NEO1: variants seen among roughly 807,000 people sequenced by gnomAD.
NEO1 encodes neogenin 1, also known as neogenin.
A neutral mutation model predicts 159.7 loss-of-function variants in NEO1; 63 were observed. That is an observed-to-expected ratio of 0.39 (90% CI 0.32 to 0.49). The LOEUF (loss-of-function observed/expected upper bound fraction) is 0.49. Ranked by LOEUF, NEO1 falls within the 20% of genes least tolerant of loss-of-function variation. The pLI is 0.85. For missense variants in NEO1, 1,615 were observed against 1,831.0 expected (o/e 0.88, Z 2.15); for synonymous variants, 633 against 662.0 (o/e 0.96, Z 0.67).
At chr15:73,079,370 TCTTA>T (rs970325365) in intron 1 of NEO1, among the ~76,000 whole-genome samples, 10 of 152,292 alleles carry the variant, frequency 6.6e-5, no homozygotes, top group African/African-American at 2.2e-4. Flanking sequence ...ATTACTCAAA[TCTTA>T]CTTTTGGACT....
chr15:73,052,405 A>ACC (rs1567080692), upstream of NEO1: 22 of 19,608 alleles, frequency 1.1e-3, no homozygotes, highest in South Asian at 1.9e-3. Flanking sequence ...CTGGAGACCG[A>ACC]CCCACCGCCC....
intron 1 of NEO1, among the ~76,000 whole-genome samples, chr15:73,113,941 A>C: frequency 6.6e-6 from 1 of 152,148 alleles, no homozygotes; most frequent in East Asian, 1.9e-4. Context: ...TGACCTATGG[A>C]ATTCTTGAAA....
At position 73,098,689 on chromosome 15, in the gene NEO1, A is replaced by G. The variant is rs546875222; in HGVS notation, c.131-17851A>G. Among the ~76,000 whole-genome samples, 3 of 152,292 alleles carry G rather than the reference A, an allele frequency of 2.0e-5. No individual in the cohort carries two copies. The South Asian group carries it at 6.2e-4, about 32-fold the overall frequency. The stretch of plus-strand genomic sequence containing the variant: ...TCAAAGTTGTTTCCAGGTTGTTACT[A>G]CAAGTAGTGGTACAGTGAATAGCCT... On this transcript the variant is annotated intron_variant, in intron 1 of 28. Coordinates refer to ENST00000261908, the MANE Select transcript of NEO1 (RefSeq NM_002499.4).
At chr15:73,192,067 C>G (rs2036263950) in intron 7 of NEO1, among the ~76,000 whole-genome samples, 1 of 151,834 alleles carries the variant, frequency 6.6e-6, no homozygotes. Flanking sequence ...AGACAATAAG[C>G]AAGTAAATGA....
chr15:73,234,594 G>GCAA (rs1417324930), intron 7 of NEO1, among the ~76,000 whole-genome samples: 1 of 152,280 alleles, frequency 6.6e-6, no homozygotes, highest in East Asian at 1.9e-4. Context: ...GTACTACAAG[G>GCAA]CCTCAGCAAC....
At position 73,289,179 on chromosome 15, in the gene NEO1, C is replaced by G. The variant is rs1329982222; in HGVS notation, c.3683C>G (p.Ala1228Gly). The part of the protein sequence containing the change: ...HESEDSMSTL[A>G]GRRGMRPKMM... ...TCAGAGGACAGCATGTCTACACTGGCTGGAAGGCGAGGAATGAGACCAAAA... is the reference window on the plus strand; with the variant it reads ...TCAGAGGACAGCATGTCTACACTGGGTGGAAGGCGAGGAATGAGACCAAAA... The change falls in exon 25 of 29, where the codon GCT becomes GGT. Residue 1228 changes from alanine to glycine, a missense_variant. Physicochemically the swap from Ala to Gly is moderately conservative, Grantham distance 60 (BLOSUM62 0). Around this residue, in one of 3 missense-constraint regions of NEO1, gnomAD observed 471 missense variants for 498.9 expected, o/e 0.94. Coordinates refer to ENST00000261908, the MANE Select transcript of NEO1 (RefSeq NM_002499.4). The G allele has an allele frequency of 1.2e-6, 2 of 1,613,976 alleles. No homozygotes were observed. Among genetic ancestry groups the G allele is most frequent in the Non-Finnish European group, 1.7e-6 (2 of 1,180,016 alleles).
At position 73,274,731 on chromosome 15, in the gene NEO1, G is replaced by A; in HGVS notation, c.3193+7G>A. On this transcript the variant is annotated splice_region_variant and intron_variant, in intron 21 of 28. Transcript: ENST00000261908. ...AAAATGCCTAATGATCAAGGTAAAT[G>A]AGTAGATGGCCTCTCTTTTCTTTCC... 1 of 1,612,428 alleles carries A rather than the reference G, an allele frequency of 6.2e-7. No individual in the cohort carries two copies. Among genetic ancestry groups the A allele is most frequent in the Admixed American group, 1.7e-5 (1 of 59,956 alleles).
rs1286839617 is a variant in NEO1 at position 73,249,728 on chromosome 15, C to G, written c.1894+7C>G. ...GTTCGAACATTGTCAGATGGTGAGT[C>G]TTTCTTCCTCTGGAACGATATACCA... On this transcript the variant is annotated splice_region_variant and intron_variant, in intron 11 of 28. Transcript: ENST00000261908. 6.2e-7 allele frequency: 1 copy of G among 1,605,716 alleles called. No homozygotes were observed. Among genetic ancestry groups the G allele is most frequent in the Non-Finnish European group, 8.5e-7 (1 of 1,177,298 alleles).
At chr15:73,103,430 T>C (rs756816588) in intron 1 of NEO1, among the ~76,000 whole-genome samples, 2 of 152,228 alleles carry the variant, frequency 1.3e-5, no homozygotes, top group Non-Finnish European at 2.9e-5. Flanking sequence ...ACTGTTCCTT[T>C]GACAGAGTGT....
At chr15:73,184,250 G>A (rs1015010717) in intron 7 of NEO1, among the ~76,000 whole-genome samples, 3 of 152,074 alleles carry the variant, frequency 2.0e-5, no homozygotes, top group Non-Finnish European at 4.4e-5. Context: ...CCGCCTCCCG[G>A]GTTCAAGCAA....
chr15:73,238,380 GCACCTGGAACAGAGCCTGGCATTTAGTAA>G (rs2039313429), intron 8 of NEO1, among the ~76,000 whole-genome samples: 1 of 140,308 alleles, frequency 7.1e-6, no homozygotes, highest in African/African-American at 2.7e-5. Flanking sequence ...AAATTCTCCA[GCACCTGGAACAGAGCCTGGCATTTAGTAA>G]CACTCAGTAA....
At chr15:73,295,147 A>ATATATATATAAATAT (rs1238740275) in intron 26 of NEO1, among the ~76,000 whole-genome samples, 2 of 100,484 alleles carry the variant, frequency 2.0e-5, no homozygotes, top group Admixed American at 1.1e-4. Flanking sequence ...TATATATGTA[A>ATATATATATAAATAT]AAATTTGGCC....
chr15:73,253,621 T>C (rs943457726), intron 12 of NEO1, among the ~76,000 whole-genome samples, 172 bp downstream of exon 12: 3 of 152,080 alleles, frequency 2.0e-5, no homozygotes, highest in African/African-American at 4.8e-5. Flanking sequence ...GTGAAAAAAA[T>C]CACAAGCAAA....
In NEO1 at chr15:73,193,222, G is replaced by C. The variant is rs534553141; in HGVS notation, c.1291+14795G>C. On this transcript the variant is annotated intron_variant, in intron 7 of 28. Transcript: ENST00000261908. ...TTAATATGTTGAGTACATGTGCTGT[G>C]TAAATAGAGATTCACAGTTATCTAG... Among the ~76,000 whole-genome samples, 6 of 152,112 alleles carry C rather than the reference G, an allele frequency of 3.9e-5. No individual in the cohort carries two copies. The South Asian group carries it at 1.2e-3, about 32-fold the overall frequency.
At chr15:73,092,119 A>G (rs2069727866) in intron 1 of NEO1, among the ~76,000 whole-genome samples, 1 of 152,170 alleles carries the variant, frequency 6.6e-6, no homozygotes, top group South Asian at 2.1e-4. Context: ...ATAAGGTGAA[A>G]TTACAACTTC....
intron 5 of NEO1, among the ~76,000 whole-genome samples, chr15:73,163,105 G>A (rs1179944204): frequency 1.3e-5 from 2 of 151,930 alleles, no homozygotes; most frequent in Non-Finnish European, 2.9e-5. Context: ...TGTTAGGTAC[G>A]TATCTATTTT....
Position 73,077,556 on chromosome 15 carries a change from T to C in NEO1, c.130+24751T>C, listed in dbSNP as rs1223415127. On this transcript the variant is annotated intron_variant, in intron 1 of 28. Coordinates refer to ENST00000261908, the MANE Select transcript of NEO1 (RefSeq NM_002499.4). Reference sequence around the variant, plus strand: ...AGATGTAGCTCTTGGCAATTTCAAATAGTTTGTGTTCTCTGAAGGAGAAGT... The same window carrying C: ...AGATGTAGCTCTTGGCAATTTCAAACAGTTTGTGTTCTCTGAAGGAGAAGT... 2.0e-5 allele frequency among the ~76,000 whole-genome samples: 3 copies of C among 152,220 alleles called. No individual in the cohort carries two copies. The East Asian group carries it at 5.8e-4, about 29-fold the overall frequency.
At chr15:73,173,108 A>G (rs1007485164) in intron 5 of NEO1, among the ~76,000 whole-genome samples, 6 of 152,226 alleles carry the variant, frequency 3.9e-5, no homozygotes, top group South Asian at 2.1e-4. Context: ...TGTTCTAAAT[A>G]GAAAGACTCA....
At chr15:73,181,149 A>G (rs1159264955) in intron 7 of NEO1, among the ~76,000 whole-genome samples, 1 of 152,226 alleles carries the variant, frequency 6.6e-6, no homozygotes, top group Non-Finnish European at 1.5e-5. Flanking sequence ...GTTAATTCAA[A>G]GGAAGACCTG....
Sources: allele counts gnomAD v4.1 joint callset (sites outside exome capture counted in the v4.1 genomes callset), GRCh38; gene constraint gnomAD v4.1.1; regional missense constraint gnomAD v4.1.1; transcripts MANE v1.5; gene names NCBI Gene and HGNC (gene_info 2026-07-23, HGNC 2026-07-21).